SOX5: variants seen among roughly 807,000 people sequenced by gnomAD.
SOX5 encodes transcription factor SOX-5.
In SOX5, 9 loss-of-function variants were observed where a neutral mutation model predicts 92.0. That is an observed-to-expected ratio of 0.10 (90% CI 0.06 to 0.17). The LOEUF (loss-of-function observed/expected upper bound fraction) is 0.17, where lower values mean the gene tolerates loss of function less well. Ranked by LOEUF, SOX5 falls within the 10% of genes least tolerant of loss-of-function variation. SOX5 has a pLI of 1.00. For missense variants in SOX5, 642 were observed against 944.5 expected (o/e 0.68, Z 4.20); for synonymous variants, 344 against 336.3 (o/e 1.02, Z -0.25).
chr12:23,740,823 AG>A (rs1235454174), intron 5 of SOX5, 43 bp downstream of exon 5: 1 of 1,524,818 alleles, frequency 6.6e-7, no homozygotes, highest in African/African-American at 1.4e-5. Flanking sequence ...TAGCAGGCAA[AG>A]TAATGTCTGA....
At chr12:23,945,234 T>G (rs1031781662) in intron 1 of SOX5, among the ~76,000 whole-genome samples, 1 of 152,168 alleles carries the variant, frequency 6.6e-6, no homozygotes, top group Non-Finnish European at 1.5e-5. Context: ...GAACAGGTCT[T>G]ATTATATGTC....
intron 8 of SOX5, among the ~76,000 whole-genome samples, chr12:23,627,299 G>T (rs755740052): frequency 1.3e-5 from 2 of 152,152 alleles, no homozygotes; most frequent in Admixed American, 6.5e-5. Context: ...CAGAAGAAAA[G>T]ATTTTTATAC....
At chr12:24,328,233 C>T (rs1337264297) in intron 2 of SOX5, among the ~76,000 whole-genome samples, 2 of 152,146 alleles carry the variant, frequency 1.3e-5, no homozygotes, top group East Asian at 3.9e-4. Context: ...CCTGAATATG[C>T]CCTCCTCTCA....
chr12:23,892,430 T>C (rs1213811292), intron 2 of SOX5, among the ~76,000 whole-genome samples: 8 of 152,196 alleles, frequency 5.3e-5, no homozygotes, highest in Non-Finnish European at 8.8e-5. Flanking sequence ...ACTAAAGCCA[T>C]GGTTTGATGC....
chr12:24,243,421 G>C (rs532743029), intron 3 of SOX5, among the ~76,000 whole-genome samples: 1 of 152,068 alleles, frequency 6.6e-6, no homozygotes, highest in Non-Finnish European at 1.5e-5. Flanking sequence ...TCTTGTATTT[G>C]TCTTAACTGC....
At chr12:23,814,289 T>G (rs983042142) in intron 3 of SOX5, among the ~76,000 whole-genome samples, 1 of 152,152 alleles carries the variant, frequency 6.6e-6, no homozygotes, top group African/African-American at 2.4e-5. Context: ...TACTTGCTGG[T>G]AACTAACCTG....
chr12:23,789,099 T>C (rs948312428), intron 3 of SOX5, among the ~76,000 whole-genome samples: 1 of 151,810 alleles, frequency 6.6e-6, no homozygotes, highest in East Asian at 1.9e-4. Flanking sequence ...ATAAGAAATA[T>C]GTATGGGCAA....
At chr12:24,428,221 A>G (rs1966888680) in intron 1 of SOX5, among the ~76,000 whole-genome samples, 1 of 152,054 alleles carries the variant, frequency 6.6e-6, no homozygotes, top group African/African-American at 2.4e-5. Context: ...CCAAAAAAAA[A>G]AAAAACCTGA....
At chr12:24,121,567 CTTTT>C (rs11286069) in intron 4 of SOX5, among the ~76,000 whole-genome samples, 7 of 106,010 alleles carry the variant, frequency 6.6e-5, no homozygotes, top group East Asian at 2.9e-4. Context: ...AAATGGCTAA[CTTTT>C]TTTTTTTTTT....
At chr12:24,362,229 A>G (rs1355383767) in intron 2 of SOX5, among the ~76,000 whole-genome samples, 2 of 152,354 alleles carry the variant, frequency 1.3e-5, no homozygotes. Context: ...AGTACGTTAC[A>G]GAAGTCATAA....
At chr12:24,089,390 T>C (rs865907143) in intron 4 of SOX5, among the ~76,000 whole-genome samples, 2 of 152,082 alleles carry the variant, frequency 1.3e-5, no homozygotes, top group Non-Finnish European at 2.9e-5. Context: ...AATTGATATA[T>C]TGGAAAAACT....
intron 4 of SOX5, among the ~76,000 whole-genome samples, chr12:24,167,340 G>A (rs1953532527): frequency 6.6e-6 from 1 of 152,162 alleles, no homozygotes. Flanking sequence ...GTTTAACTCA[G>A]TATTTGACAA....
At chr12:24,159,805 T>G (rs1036072141) in intron 4 of SOX5, among the ~76,000 whole-genome samples, 2 of 151,998 alleles carry the variant, frequency 1.3e-5, no homozygotes, top group African/African-American at 4.8e-5. Flanking sequence ...AACATGATGC[T>G]GACAGACTGC....
chr12:23,988,814 A>C (rs937587329), intron 4 of SOX5, among the ~76,000 whole-genome samples: 35 of 152,122 alleles, frequency 2.3e-4, no homozygotes, highest in African/African-American at 8.0e-4. Context: ...GGAAGACTTA[A>C]GGGATTAAGT....
intron 11 of SOX5, among the ~76,000 whole-genome samples, chr12:23,552,049 T>C (rs772612542): frequency 3.9e-5 from 6 of 151,904 alleles, no homozygotes; most frequent in Non-Finnish European, 8.8e-5. Flanking sequence ...TTGGTCCAGG[T>C]GAATAACTTT....
At chr12:24,268,656 T>C (rs1050364792) in intron 3 of SOX5, among the ~76,000 whole-genome samples, 1 of 152,156 alleles carries the variant, frequency 6.6e-6, no homozygotes, top group Non-Finnish European at 1.5e-5. Flanking sequence ...GTGGATGAAA[T>C]TGTAGAGCAG....
intron 4 of SOX5, among the ~76,000 whole-genome samples, chr12:24,183,339 G>A (rs777787800): frequency 1.3e-5 from 2 of 152,072 alleles, no homozygotes; most frequent in Admixed American, 6.6e-5. Flanking sequence ...ATTCGTGCAC[G>A]AAGACACCAT....
At chr12:23,970,841 A>ATTTTTTTTTTT (rs1555456188) in intron 4 of SOX5, among the ~76,000 whole-genome samples, 1 of 21,878 alleles carries the variant, frequency 4.6e-5, no homozygotes, top group Non-Finnish European at 1.0e-4. Context: ...TATATATATA[A>ATTTTTTTTTTT]TTTTTTTTTT....
intron 1 of SOX5, among the ~76,000 whole-genome samples, chr12:24,370,302 G>A (rs957652874): frequency 5.9e-5 from 9 of 151,708 alleles, no homozygotes; most frequent in South Asian, 2.1e-4. Context: ...GTGAAACCCC[G>A]TCTCTACTAA....
Sources: gnomAD v4.1 joint callset for allele counts (sites outside exome capture counted in the v4.1 genomes callset) on GRCh38, gnomAD v4.1.1 for gene constraint, MANE v1.5 for transcripts, NCBI Gene and HGNC (gene_info 2026-07-23, HGNC 2026-07-21) for gene names.